The following TNFAIP8 variants were observed in gnomAD, a reference collection of about 807,000 sequenced individuals.
The protein encoded by TNFAIP8 is TNF alpha induced protein 8.
A neutral mutation model predicts 13.3 loss-of-function variants in TNFAIP8; 7 were observed. That is an observed-to-expected ratio of 0.52 (90% CI 0.30 to 0.99). The LOEUF is 0.99. Among genes scored for constraint, TNFAIP8 ranks in the 50% least tolerant of loss-of-function variants. The pLI, the probability that TNFAIP8 is intolerant of heterozygous loss-of-function variation, is 0.07. For missense variants in TNFAIP8, 258 were observed against 236.9 expected (o/e 1.09, Z -0.58); for synonymous variants, 94 against 87.6 (o/e 1.07, Z -0.41).
chr5:119,277,940 G>T (rs1339161843), intron 1 of TNFAIP8, among the ~76,000 whole-genome samples: 1 of 152,050 alleles, frequency 6.6e-6, no homozygotes, highest in Non-Finnish European at 1.5e-5. Flanking sequence ...CACTCATAAG[G>T]GTGGAGCCCT....
intron 1 of TNFAIP8, among the ~76,000 whole-genome samples, chr5:119,339,350 A>G (rs1204856644): frequency 2.0e-5 from 3 of 150,874 alleles, no homozygotes; most frequent in Non-Finnish European, 4.4e-5. Context: ...GGGGTATGGG[A>G]TTTCTGTGAT....
intron 1 of TNFAIP8, among the ~76,000 whole-genome samples, chr5:119,320,991 C>T (rs1036837731): frequency 4.6e-5 from 7 of 152,132 alleles, no homozygotes; most frequent in South Asian, 2.1e-4. Context: ...CCGAGGTGGG[C>T]GGATCACAAG....
At chr5:119,281,928 T>C (rs1748642788) in intron 1 of TNFAIP8, among the ~76,000 whole-genome samples, 1 of 152,226 alleles carries the variant, frequency 6.6e-6, no homozygotes. Context: ...ATAAAATCCT[T>C]GGCTCAAATT....
rs774900049 is a variant in TNFAIP8 at position 119,393,261 on chromosome 5, T to C, written c.477T>C (p.Phe159=). The stretch of plus-strand genomic sequence containing the variant: ...CACATGGACGGGTTAATAATGTGTT[T>C]GATCATTTTTCAGATTGTGAATTTT... ...AKSHGRVNNV[F]DHFSDCEFLA... The change falls in exon 2 of 2, where the codon TTT becomes TTC. Residue 159 remains phenylalanine, a synonymous_variant. Coordinates refer to ENST00000504771, the MANE Select transcript of TNFAIP8 (RefSeq NM_014350.4). 6.2e-7 allele frequency: 1 copy of C among 1,614,022 alleles called. No homozygotes were observed. The highest frequency in any genetic ancestry group is 1.7e-5 in the Admixed American group (1 of 60,022).
intron 1 of TNFAIP8, among the ~76,000 whole-genome samples, chr5:119,271,944 T>C (rs1748306301): frequency 6.6e-6 from 1 of 152,228 alleles, no homozygotes; most frequent in Admixed American, 6.5e-5. Context: ...TCTCTGGTTT[T>C]GATGACTGTG....
chr5:119,355,631 T>C, upstream of TNFAIP8: 1 of 472,494 alleles, frequency 2.1e-6, no homozygotes, highest in Non-Finnish European at 3.7e-6. Context: ...TTCTACCCTA[T>C]ATGCATTTGC....
At position 119,376,566 on chromosome 5, in the gene TNFAIP8, C is replaced by A. The variant is rs555191884; in HGVS notation, c.32-16250C>A. Among the ~76,000 whole-genome samples, 13 of 150,492 alleles carry A rather than the reference C, an allele frequency of 8.6e-5. No homozygotes were observed. The East Asian group carries it at 1.9e-3, about 23-fold the overall frequency. ...ATCAGTATTCATTGTCTTCCCACCC[C>A]CCCCGTCTTTCTGCTCCCCCAGAAA... On this transcript the variant is annotated intron_variant, in intron 1 of 1. Coordinates refer to ENST00000504771, the MANE Select transcript of TNFAIP8 (RefSeq NM_014350.4).
intron 1 of TNFAIP8, among the ~76,000 whole-genome samples, chr5:119,359,565 A>AT (rs1751557139): frequency 6.6e-6 from 1 of 152,136 alleles, no homozygotes; most frequent in Admixed American, 6.5e-5. Context: ...GCAAAAAAAA[A>AT]AAAGTTTAGT....
At chr5:119,339,848 T>C (rs1335857664) in intron 1 of TNFAIP8, among the ~76,000 whole-genome samples, 1 of 152,226 alleles carries the variant, frequency 6.6e-6, no homozygotes, top group Non-Finnish European at 1.5e-5. Flanking sequence ...TTACATTTCA[T>C]AACTATGACC....
chr5:119,290,539 C>T (rs1748949654), intron 1 of TNFAIP8, among the ~76,000 whole-genome samples: 1 of 152,180 alleles, frequency 6.6e-6, no homozygotes, highest in Admixed American at 6.5e-5. Context: ...GTGGAAGCCT[C>T]AGATGTCTCC....
intron 1 of TNFAIP8, among the ~76,000 whole-genome samples, chr5:119,387,493 A>C (rs921350392): frequency 7.9e-5 from 12 of 152,192 alleles, no homozygotes; most frequent in Admixed American, 5.2e-4. Flanking sequence ...TTATGTATTT[A>C]CTGGTAAGAC....
At chr5:119,375,364 A>C (rs545926938) in intron 1 of TNFAIP8, among the ~76,000 whole-genome samples, 8 of 152,332 alleles carry the variant, frequency 5.3e-5, no homozygotes, top group African/African-American at 1.7e-4. Context: ...TAGAGTAACG[A>C]GTGAGTAGGT....
intron 1 of TNFAIP8, among the ~76,000 whole-genome samples, chr5:119,328,419 G>A (rs755802284): frequency 4.2e-4 from 64 of 152,238 alleles, no homozygotes; most frequent in Non-Finnish European, 7.6e-4. Context: ...AGAGGGAATG[G>A]AGAATAGAAG....
rs1292221674 is a variant in TNFAIP8, at chr5:119,325,812, C to T, written c.1+56905C>T. Among the ~76,000 whole-genome samples the T allele has an allele frequency of 2.0e-5, 3 of 152,214 alleles. 1 individual carries two copies. The East Asian group carries it at 5.8e-4, about 29-fold the overall frequency. On this transcript the variant is annotated intron_variant, in intron 1 of 1. Transcript: ENST00000274456. ...TCACTGTAGCCACACCAGCCCCTGTCCCCTCCTTCCCCTGAAGCATGCCTG... is the reference window on the plus strand; with the variant it reads ...TCACTGTAGCCACACCAGCCCCTGTTCCCTCCTTCCCCTGAAGCATGCCTG...
chr5:119,325,522 A>C (rs1466471961), intron 1 of TNFAIP8, among the ~76,000 whole-genome samples: 4 of 152,174 alleles, frequency 2.6e-5, no homozygotes, highest in Admixed American at 2.6e-4. Context: ...ATCTCAGCTC[A>C]CTGCAAGCTC....
intron 1 of TNFAIP8, among the ~76,000 whole-genome samples, chr5:119,323,251 A>C (rs1750118345): frequency 6.6e-6 from 1 of 152,170 alleles, no homozygotes; most frequent in South Asian, 2.1e-4. Flanking sequence ...CTTTGCTTAA[A>C]ATGCCTCATT....
At chr5:119,295,024 G>C (rs1749123488) in intron 1 of TNFAIP8, among the ~76,000 whole-genome samples, 1 of 151,888 alleles carries the variant, frequency 6.6e-6, no homozygotes, top group South Asian at 2.1e-4. Flanking sequence ...TTCTTTTGCT[G>C]TGCAGAAGCT....
intron 1 of TNFAIP8, among the ~76,000 whole-genome samples, chr5:119,287,997 A>G (rs1188898239): frequency 6.6e-6 from 1 of 152,184 alleles, no homozygotes; most frequent in Non-Finnish European, 1.5e-5. Context: ...CTCTTGTCTG[A>G]TGAGGTGAGA....
chr5:119,372,150 AC>A (rs1232357840), intron 1 of TNFAIP8, among the ~76,000 whole-genome samples: 1 of 150,678 alleles, frequency 6.6e-6, no homozygotes, highest in Admixed American at 6.6e-5. Flanking sequence ...AAAAAAAAAA[AC>A]CCATCTCCAC....
Sources: gnomAD v4.1 joint callset for allele counts (sites outside exome capture counted in the v4.1 genomes callset) on GRCh38, gnomAD v4.1.1 for gene constraint, MANE v1.5 for transcripts, NCBI Gene and HGNC (gene_info 2026-07-23, HGNC 2026-07-21) for gene names.